The following PAH variants were observed in gnomAD, a reference collection of about 807,000 sequenced individuals.
PAH encodes phenylalanine-4-hydroxylase.
In PAH, 64 loss-of-function variants were observed where a neutral mutation model predicts 62.0. That is an observed-to-expected ratio of 1.03 (90% CI 0.84 to 1.27). The LOEUF (loss-of-function observed/expected upper bound fraction) is 1.27. PAH is among the 50% of genes most tolerant of loss of function. The pLI, the probability that PAH is intolerant of heterozygous loss-of-function variation, is 0.00. For missense variants in PAH, 579 were observed against 542.8 expected (o/e 1.07, Z -0.66); for synonymous variants, 195 against 196.2 (o/e 0.99, Z 0.05).
chr12:102,929,503 G>T (rs1352959412), intron 1 of PAH, among the ~76,000 whole-genome samples: 1 of 152,124 alleles, frequency 6.6e-6, no homozygotes, highest in Admixed American at 6.6e-5. Flanking sequence ...CGAGTGGAAA[G>T]CTCCTTGGGG....
chr12:102,840,264 A>T, intron 12 of PAH, 136 bp downstream of exon 12: 1 of 671,590 alleles, frequency 1.5e-6, no homozygotes, highest in Non-Finnish European at 2.7e-6. Context: ...CAATGAACCC[A>T]TGGCTTACAT....
At chr12:102,861,873 G>C (rs1172674271) in intron 5 of PAH, among the ~76,000 whole-genome samples, 1 of 149,298 alleles carries the variant, frequency 6.7e-6, no homozygotes, top group African/African-American at 2.5e-5. Context: ...AGATATACCT[G>C]ACAAGTTAAT....
At chr12:102,848,291 T>G (rs958848061) in intron 8 of PAH, among the ~76,000 whole-genome samples, 1 of 136,208 alleles carries the variant, frequency 7.3e-6, no homozygotes, top group African/African-American at 3.3e-5. Flanking sequence ...CTGGAGAGGT[T>G]AAGTGTAGAC....
chr12:102,844,267 G>T, intron 10 of PAH, 69 bp downstream of exon 10: 1 of 1,105,564 alleles, frequency 9.0e-7, no homozygotes, highest in Non-Finnish European at 1.4e-6. Flanking sequence ...CAACAATATT[G>T]AAAGCACAAT....
At chr12:102,902,041 A>ACTGG in intron 2 of PAH, among the ~76,000 whole-genome samples, 1 of 152,342 alleles carries the variant, frequency 6.6e-6, no homozygotes, top group South Asian at 2.1e-4. Context: ...GGAAAGAGGG[A>ACTGG]CTGGCTACAC....
exon 1 of PAH, chr12:102,958,246 T>A (rs1170153450): frequency 6.8e-7 from 1 of 1,469,292 alleles, no homozygotes; most frequent in East Asian, 3.0e-5. Context: ...CCGCTGCGCA[T>A]GGAAAGCTCT....
At chr12:102,888,390 G>A (rs913949377) in intron 3 of PAH, among the ~76,000 whole-genome samples, 1 of 151,838 alleles carries the variant, frequency 6.6e-6, no homozygotes, top group Non-Finnish European at 1.5e-5. Flanking sequence ...AGCTGCCTGA[G>A]TTGGTTGTTG....
intron 1 of PAH, among the ~76,000 whole-genome samples, chr12:102,930,054 TG>T (rs1344594305): frequency 3.9e-5 from 6 of 152,384 alleles, no homozygotes; most frequent in Admixed American, 1.3e-4. Context: ...TTTTACATTT[TG>T]ATTTACAGAG....
chr12:102,846,571 T>C (rs1035550209), intron 9 of PAH, among the ~76,000 whole-genome samples: 1 of 152,224 alleles, frequency 6.6e-6, no homozygotes, highest in Non-Finnish European at 1.5e-5. Context: ...AAACATTCCA[T>C]GTTCAAAGCT....
At chr12:102,941,285 T>C (rs1879278897) in intron 1 of PAH, among the ~76,000 whole-genome samples, 1 of 152,054 alleles carries the variant, frequency 6.6e-6, no homozygotes, top group South Asian at 2.1e-4. Context: ...AACACAATAA[T>C]AGGATCAAAT....
intron 1 of PAH, among the ~76,000 whole-genome samples, chr12:102,930,559 A>G (rs1878825100): frequency 6.6e-6 from 1 of 152,210 alleles, no homozygotes; most frequent in African/African-American, 2.4e-5. Context: ...TTATATTGAC[A>G]TCTTTTGCAC....
chr12:102,901,584 T>G (rs992856889), intron 2 of PAH, among the ~76,000 whole-genome samples: 6 of 152,012 alleles, frequency 3.9e-5, no homozygotes, highest in Admixed American at 3.3e-4. Flanking sequence ...TAAATTTTTC[T>G]CAGCTCTTTT....
At chr12:102,903,270 A>G (rs1202547266) in intron 2 of PAH, among the ~76,000 whole-genome samples, 2 of 151,908 alleles carry the variant, frequency 1.3e-5, no homozygotes. Flanking sequence ...CTGAGGCAAG[A>G]GAGTCTCTTG....
chr12:102,871,937 AAAAAAAAAAAAAAT>A (rs1876345032), intron 4 of PAH, among the ~76,000 whole-genome samples: 1 of 89,326 alleles, frequency 1.1e-5, no homozygotes, highest in Non-Finnish European at 2.1e-5. Flanking sequence ...AAAAAAAAAA[AAAAAAAAAAAAAAT>A]ATATATATAT....
rs532924825 is a variant in PAH at position 102,849,443 on chromosome 12, G to A, written c.912+2244C>T. On this transcript the variant is annotated intron_variant, in intron 8 of 12. Coordinates refer to ENST00000553106, the MANE Select transcript of PAH (RefSeq NM_000277.3). ...TGAAGTCTTGGCTGCAGATGTAAATGTGTCCGTCATCAGAGTAGAGATGGT... is the reference window on the plus strand; with the variant it reads ...TGAAGTCTTGGCTGCAGATGTAAATATGTCCGTCATCAGAGTAGAGATGGT... Among the ~76,000 whole-genome samples the A allele has an allele frequency of 7.9e-4, 121 of 152,248 alleles. 2 individuals are homozygous for A. In the South Asian group the frequency reaches 0.024, roughly 31 times the overall value.
chr12:102,872,941 C>G lies in PAH; in HGVS notation c.441+4521G>C, dbSNP rs1467433640. ...TGAGATTGCACCATTGTACTCCAGC[C>G]TGGGCAGCAAGAGTGAAACTCCATT... On this transcript the variant is annotated intron_variant, in intron 4 of 12. Transcript: ENST00000553106. 2.0e-5 allele frequency among the ~76,000 whole-genome samples: 3 copies of G among 152,160 alleles called. 1 individual carries two copies. The highest frequency in any genetic ancestry group is 4.4e-5 in the Non-Finnish European group (3 of 68,026).
upstream of PAH, among the ~76,000 whole-genome samples, chr12:102,918,557 T>TC (rs1371853513): frequency 8.1e-6 from 1 of 122,712 alleles, no homozygotes; most frequent in Admixed American, 9.0e-5. Context: ...AGCCCATGCC[T>TC]CAGTTTTTTT....
At chr12:102,851,293 C>A (rs969543144) in intron 8 of PAH, among the ~76,000 whole-genome samples, 3 of 152,004 alleles carry the variant, frequency 2.0e-5, no homozygotes, top group Admixed American at 6.6e-5. Context: ...TTAATTCAAG[C>A]ATATACACAA....
intron 5 of PAH, 116 bp from the exon 6 acceptor site, chr12:102,855,448 A>C: frequency 2.7e-6 from 2 of 747,314 alleles, no homozygotes; most frequent in Admixed American, 4.3e-5. Flanking sequence ...CACTTGCTAC[A>C]GTGAATTTCA....
Sources: gnomAD v4.1 joint callset for allele counts (sites outside exome capture counted in the v4.1 genomes callset) on GRCh38, gnomAD v4.1.1 for gene constraint, MANE v1.5 for transcripts, NCBI Gene and HGNC (gene_info 2026-07-23, HGNC 2026-07-21) for gene names.